Variants in ARHGEF10L observed in about 807,000 individuals in gnomAD.
The protein encoded by ARHGEF10L is Rho guanine nucleotide exchange factor 10 like.
In ARHGEF10L, 69 loss-of-function variants were observed where a neutral mutation model predicts 141.2. The ratio of observed to expected loss-of-function variants is 0.49; its 90% CI spans 0.40 to 0.60. ARHGEF10L has a LOEUF of 0.60. ARHGEF10L is among the 20% of genes least tolerant of loss of function. ARHGEF10L has a pLI of 0.00. For missense variants in ARHGEF10L, 1,482 were observed against 1,734.3 expected, an observed-to-expected ratio of 0.85 and a Z score of 2.58; for synonymous variants, 711 against 718.5, an observed-to-expected ratio of 0.99 and a Z score of 0.17.
chr1:17,636,085 A>G (rs1283812714), intron 18 of ARHGEF10L, among the ~76,000 whole-genome samples: 1 of 152,020 alleles, frequency 6.6e-6, no homozygotes, highest in Non-Finnish European at 1.5e-5. Context: ...CCTTCCTCGG[A>G]GGCACCTTCT....
In ARHGEF10L at chr1:17,623,250, C is replaced by A; in HGVS notation, c.1200+75C>A. On this transcript the variant is annotated intron_variant, in intron 12 of 28. Coordinates refer to ENST00000361221, the MANE Select transcript of ARHGEF10L (RefSeq NM_018125.4). This position sits in a 1 kb window ranked among gnomAD's most constrained non-coding sequence, Gnocchi z 4.7. Reference sequence around the variant, plus strand: ...CAGTCTGACCCCGGGGCCATGCAGTCCAGCCTCCTGCCTCTGCCTGCTTGC... The same window carrying A: ...CAGTCTGACCCCGGGGCCATGCAGTACAGCCTCCTGCCTCTGCCTGCTTGC... The A allele has an allele frequency of 1.3e-6, 2 of 1,516,788 alleles. No homozygotes were observed. The highest frequency in any genetic ancestry group is 2.5e-5 in the South Asian group (2 of 80,422). The allele number at this position is 1,516,788 out of a possible 1,614,324, so 94.0% of individuals were successfully genotyped here.
chr1:17,521,419 C>G, the ARHGEF10L span, among the ~76,000 whole-genome samples: 1 of 152,230 alleles, frequency 6.6e-6, no homozygotes, highest in Non-Finnish European at 1.5e-5. Context: ...TGGTCTCAAA[C>G]TCCCGACCTC....
At chr1:17,585,981 T>C (rs769019512) in intron 2 of ARHGEF10L, among the ~76,000 whole-genome samples, 1 of 152,210 alleles carries the variant, frequency 6.6e-6, no homozygotes, top group Non-Finnish European at 1.5e-5. Context: ...GGTTCTCTGA[T>C]AGTGGTGATT....
intron 1 of ARHGEF10L, among the ~76,000 whole-genome samples, chr1:17,552,766 A>G (rs1044169033): frequency 7.9e-5 from 12 of 151,714 alleles, no homozygotes; most frequent in African/African-American, 2.9e-4. Context: ...ATGGATGGTC[A>G]TTATCTTCAT....
At chr1:17,658,629 G>T (rs2062420014) in intron 25 of ARHGEF10L, among the ~76,000 whole-genome samples, 1 of 152,152 alleles carries the variant, frequency 6.6e-6, no homozygotes, top group African/African-American at 2.4e-5. Context: ...AACGCTTACT[G>T]AGCACGTACT....
At chr1:17,616,531 C>A (rs146978283) in intron 9 of ARHGEF10L, among the ~76,000 whole-genome samples, 1,727 of 152,316 alleles carry the variant, frequency 0.011, 27 homozygotes, top group African/African-American at 0.038. Context: ...TGTTCCTGTT[C>A]CCTCCTTCCT....
At chr1:17,634,666 C>T (rs936538545) in intron 17 of ARHGEF10L, 104 bp downstream of exon 17, 7 of 1,514,866 alleles carry the variant, frequency 4.6e-6, no homozygotes, top group Non-Finnish European at 6.2e-6. Flanking sequence ...CCTGGTGCTT[C>T]TACCCTGGCG....
In ARHGEF10L at chr1:17,632,348, C is replaced by G. The variant is rs770029608; in HGVS notation, c.1612C>G (p.Leu538Val). 6.2e-7 allele frequency: 1 copy of G among 1,614,166 alleles called. No homozygotes were observed. The highest frequency in any genetic ancestry group is 8.5e-7 in the Non-Finnish European group (1 of 1,180,038). ...GTTGACCTCAGGCCAGCGGCAGCTGCTCCTGTGTGAGACGTTGACGGAGAC... is the reference window on the plus strand; with the variant it reads ...GTTGACCTCAGGCCAGCGGCAGCTGGTCCTGTGTGAGACGTTGACGGAGAC... ...KLLTSGQRQLLLCETLTETVY... is the reference protein window; with the variant it reads ...KLLTSGQRQLVLCETLTETVY... The change falls in exon 16 of 29, where the codon CTC becomes GTC. Residue 538 changes from leucine to valine, a missense_variant. Leu to Val is a conservative substitution (Grantham distance 32). Transcript: ENST00000361221.
At chr1:17,582,620 A>G (rs533719936) in intron 2 of ARHGEF10L, among the ~76,000 whole-genome samples, 1 of 152,290 alleles carries the variant, frequency 6.6e-6, no homozygotes, top group South Asian at 2.1e-4. Context: ...TCCACGCTTT[A>G]GTTGGAGCTT....
the ARHGEF10L span, among the ~76,000 whole-genome samples, chr1:17,515,291 C>CTT: frequency 1.9e-3 from 246 of 131,988 alleles, 1 homozygote; most frequent in African/African-American, 6.2e-3. Flanking sequence ...CTTTTTCTCT[C>CTT]TTTTTTTTTT....
intron 23 of ARHGEF10L, among the ~76,000 whole-genome samples, chr1:17,655,466 TCCATCCATCCATCTATCC>T (rs1557947602): frequency 5.0e-5 from 6 of 119,056 alleles, no homozygotes; most frequent in African/African-American, 7.9e-5. Flanking sequence ...CATCCATCCA[TCCATCCATCCATCTATCC>T]ATCCATCCAT....
Position 17,697,222 on chromosome 1 carries a change from C to G in ARHGEF10L, c.3682C>G (p.Arg1228Gly), listed in dbSNP as rs143620430. Residue 1228 changes from arginine (R) to glycine (G), a missense_variant, in exon 29 of 29, where the codon CGC becomes GGC. By Grantham distance (125) the Arg-to-Gly change is moderately radical. Coordinates refer to ENST00000361221, the MANE Select transcript of ARHGEF10L (RefSeq NM_018125.4). This position sits in a 1 kb window ranked among gnomAD's most constrained non-coding sequence, Gnocchi z 4.8. ...CTGGGTGCGCAGCCGGCCCTGCGCCCGCGACGCCCACCGCAAGGAGATTTG... is the reference window on the plus strand; with the variant it reads ...CTGGGTGCGCAGCCGGCCCTGCGCCGGCGACGCCCACCGCAAGGAGATTTG... ...DIWVRSRPCA[R>G]DAHRKEICSV... 6.2e-7 allele frequency: 1 copy of G among 1,612,186 alleles called. No homozygotes were observed. The highest frequency in any genetic ancestry group is 1.1e-5 in the South Asian group (1 of 91,028).
intron 17 of ARHGEF10L, 120 bp from the exon 18 acceptor site, chr1:17,634,715 G>T: frequency 6.9e-7 from 1 of 1,457,352 alleles, no homozygotes; most frequent in Non-Finnish European, 9.2e-7. Flanking sequence ...TTGGTCTGAG[G>T]TCTTGCGCTG....
chr1:17,587,280 C>A (rs2079101161), intron 2 of ARHGEF10L, among the ~76,000 whole-genome samples, 180 bp from the exon 3 acceptor site: 1 of 152,178 alleles, frequency 6.6e-6, no homozygotes, highest in Non-Finnish European at 1.5e-5. Context: ...CTAACCCAAC[C>A]CCCTCCCCCC....
the ARHGEF10L span, among the ~76,000 whole-genome samples, chr1:17,527,032 G>C: frequency 6.6e-6 from 1 of 152,114 alleles, no homozygotes; most frequent in African/African-American, 2.4e-5. Context: ...ATCCCACTCT[G>C]CTTTCTAGCC....
At chr1:17,526,995 G>A in the ARHGEF10L span, among the ~76,000 whole-genome samples, 2 of 152,000 alleles carry the variant, frequency 1.3e-5, no homozygotes, top group Non-Finnish European at 2.9e-5. Context: ...CCATTCAGGC[G>A]GGCGGATGTC....
chr1:17,678,001 G>GTGAGCTGAGC (rs542644781), intron 26 of ARHGEF10L, among the ~76,000 whole-genome samples: 6 of 152,228 alleles, frequency 3.9e-5, no homozygotes, highest in South Asian at 2.1e-4. Context: ...GGGGCTGCGG[G>GTGAGCTGAGC]TGAGCTGAGC....
At chr1:17,527,707 T>C in the ARHGEF10L span, among the ~76,000 whole-genome samples, 3 of 151,930 alleles carry the variant, frequency 2.0e-5, no homozygotes, top group South Asian at 6.3e-4. Flanking sequence ...AACATCAACA[T>C]ACTCTTCTCT....
Position 17,603,970 on chromosome 1 carries a change from G to T in ARHGEF10L, c.433+379G>T, listed in dbSNP as rs750374490. ...CAGATAAAGCTTTGCAAAGCCCTGC[G>T]CCCTGCTCTGGGTTGAGGGCTGAGG... is the stretch of plus-strand genomic sequence containing the variant. On this transcript the variant is annotated intron_variant, in intron 6 of 28. Transcript: ENST00000361221. This position sits in a 1 kb window ranked among gnomAD's most constrained non-coding sequence, Gnocchi z 4.8. Among the ~76,000 whole-genome samples the T allele has an allele frequency of 1.3e-5, 2 of 152,162 alleles. No homozygotes were observed. The highest frequency in any genetic ancestry group is 2.9e-5 in the Non-Finnish European group (2 of 68,032).
Sources: gnomAD v4.1 joint callset for allele counts (sites outside exome capture counted in the v4.1 genomes callset) on GRCh38, gnomAD v4.1.1 for gene constraint, Gnocchi (gnomAD v3.1) non-coding constraint, MANE v1.5 for transcripts, NCBI Gene and HGNC (gene_info 2026-07-23, HGNC 2026-07-21) for gene names.